The following ANXA4 variants were observed in gnomAD, a reference collection of about 807,000 sequenced individuals.
ANXA4 encodes annexin A4, also known as 35-beta calcimedin.
In ANXA4, 39 loss-of-function variants were observed where a neutral mutation model predicts 49.8. The observed-to-expected ratio is 0.78, with a 90% CI of 0.61 to 1.02. The LOEUF (loss-of-function observed/expected upper bound fraction) is 1.02, where lower values mean the gene tolerates loss of function less well. Ranked by LOEUF, ANXA4 falls within the 50% of genes least tolerant of loss-of-function variation. ANXA4 has a pLI of 0.00. For missense variants in ANXA4, 360 were observed against 410.1 expected (o/e 0.88, Z 1.05); for synonymous variants, 134 against 152.5 (o/e 0.88, Z 0.89).
At chr2:69,723,086 G>A (rs919445461) in intron 3 of ANXA4, among the ~76,000 whole-genome samples, 3 of 150,664 alleles carry the variant, frequency 2.0e-5, no homozygotes, top group African/African-American at 7.3e-5. Flanking sequence ...AACTACTAGA[G>A]AGGCTGAGGC....
chr2:69,651,453 A>G (rs58164379), intron 1 of ANXA4, among the ~76,000 whole-genome samples: 3,319 of 152,204 alleles, frequency 0.022, 120 homozygotes, highest in African/African-American at 0.076. Flanking sequence ...TTTTACCTCA[A>G]TCTGTATACT....
intron 2 of ANXA4, among the ~76,000 whole-genome samples, chr2:69,676,113 C>T (rs1677405372): frequency 6.6e-6 from 1 of 151,536 alleles, no homozygotes; most frequent in Non-Finnish European, 1.5e-5. Context: ...AAAACTAAAT[C>T]AAGATCATTA....
At chr2:69,792,452 C>A (rs1441163310) in intron 3 of ANXA4, among the ~76,000 whole-genome samples, 1 of 152,138 alleles carries the variant, frequency 6.6e-6, no homozygotes, top group African/African-American at 2.4e-5. Flanking sequence ...CCTGTTATAA[C>A]CCTTGACAAG....
At chr2:69,812,184 G>A (rs536655498) in intron 7 of ANXA4, among the ~76,000 whole-genome samples, 1 of 150,018 alleles carries the variant, frequency 6.7e-6, no homozygotes, top group South Asian at 2.1e-4. Flanking sequence ...CTCTTCACAG[G>A]TGCCATCTTA....
At chr2:69,718,903 G>A (rs1200018173) in intron 2 of ANXA4, among the ~76,000 whole-genome samples, 1 of 151,706 alleles carries the variant, frequency 6.6e-6, no homozygotes, top group African/African-American at 2.4e-5. Flanking sequence ...TGCATACACA[G>A]CATGGCCTCT....
chr2:69,781,886 A>G lies in ANXA4; in HGVS notation c.9+312A>G, dbSNP rs117957088. Among the ~76,000 whole-genome samples the G allele has an allele frequency of 2.7e-4, 41 of 152,242 alleles. No individual in the cohort carries two copies. In the East Asian group the frequency reaches 7.7e-3, roughly 29 times the overall value. On this transcript the variant is annotated intron_variant, in intron 2 of 12. Transcript: ENST00000394295. ...TATTTTAGAACATTTAAAAAGGAAA[A>G]ACTAAAAATTCTTTAGGTTCTACCA...
intron 12 of ANXA4, among the ~76,000 whole-genome samples, chr2:69,821,379 A>T (rs1674236153): frequency 6.6e-6 from 1 of 152,198 alleles, no homozygotes; most frequent in African/African-American, 2.4e-5. Context: ...GGTTGCCTGC[A>T]CTGCAAGCTT....
chr2:69,778,107 TA>T (rs1175819813), intron 1 of ANXA4, among the ~76,000 whole-genome samples: 1 of 152,222 alleles, frequency 6.6e-6, no homozygotes, highest in East Asian at 1.9e-4. Flanking sequence ...TTTAAAAATA[TA>T]AAGACATTCT....
intron 2 of ANXA4, among the ~76,000 whole-genome samples, chr2:69,783,165 A>G (rs1422383933): frequency 2.0e-5 from 3 of 152,180 alleles, no homozygotes; most frequent in Admixed American, 6.5e-5. Context: ...TCATATCATT[A>G]AAATTATTTA....
chr2:69,710,144 C>T (rs984856951), intron 2 of ANXA4, among the ~76,000 whole-genome samples: 2 of 152,044 alleles, frequency 1.3e-5, no homozygotes, highest in Middle Eastern at 3.4e-3. Flanking sequence ...TGTGCCACCA[C>T]GCCCGGCTAA....
chr2:69,646,917 A>G (rs1202070188), intron 1 of ANXA4, among the ~76,000 whole-genome samples: 1 of 152,226 alleles, frequency 6.6e-6, no homozygotes, highest in Non-Finnish European at 1.5e-5. Flanking sequence ...GTAAGAGACT[A>G]CCAACCACAG....
At chr2:69,703,918 G>C (rs1678410231) in intron 2 of ANXA4, among the ~76,000 whole-genome samples, 1 of 152,048 alleles carries the variant, frequency 6.6e-6, no homozygotes, top group Non-Finnish European at 1.5e-5. Flanking sequence ...AGGACTACAG[G>C]TGCGTGCCAC....
intron 3 of ANXA4, among the ~76,000 whole-genome samples, chr2:69,789,908 C>A (rs1215721595): frequency 6.6e-6 from 1 of 152,140 alleles, no homozygotes; most frequent in Non-Finnish European, 1.5e-5. Flanking sequence ...CTGTTTTTAG[C>A]TCCTCAATCT....
chr2:69,690,703 T>C (rs1404567864), intron 2 of ANXA4, among the ~76,000 whole-genome samples: 1 of 152,216 alleles, frequency 6.6e-6, no homozygotes. Context: ...ACCTTATTCC[T>C]TTTTAGGTGA....
chr2:69,687,297 A>C (rs1677823316), intron 2 of ANXA4, among the ~76,000 whole-genome samples: 1 of 152,154 alleles, frequency 6.6e-6, no homozygotes, highest in African/African-American at 2.4e-5. Context: ...TGAGCTCAGG[A>C]GTTCGAGACC....
chr2:69,675,616 G>T (rs1238010982), intron 2 of ANXA4, among the ~76,000 whole-genome samples: 1 of 152,158 alleles, frequency 6.6e-6, no homozygotes, highest in Non-Finnish European at 1.5e-5. Flanking sequence ...AGTCATAGGG[G>T]CAGAAAGCAG....
chr2:69,718,889 CACAT>C (rs1166098533), intron 2 of ANXA4, among the ~76,000 whole-genome samples: 1 of 151,244 alleles, frequency 6.6e-6, no homozygotes, highest in African/African-American at 2.5e-5. Context: ...TGCATACACA[CACAT>C]GCATACACAG....
At chr2:69,725,156 T>C (rs1669929043) in intron 3 of ANXA4, among the ~76,000 whole-genome samples, 1 of 152,200 alleles carries the variant, frequency 6.6e-6, no homozygotes, top group African/African-American at 2.4e-5. Flanking sequence ...GAGGGCTTAC[T>C]GATAACATAA....
chr2:69,691,570 CAT>C (rs1448960150), intron 2 of ANXA4, among the ~76,000 whole-genome samples: 14 of 45,050 alleles, frequency 3.1e-4, no homozygotes, highest in South Asian at 1.1e-3. Flanking sequence ...CACACACACA[CAT>C]GCACACACAC....
Sources: gnomAD v4.1 joint callset for allele counts (sites outside exome capture counted in the v4.1 genomes callset) on GRCh38, gnomAD v4.1.1 for gene constraint, MANE v1.5 for transcripts, NCBI Gene and HGNC (gene_info 2026-07-23, HGNC 2026-07-21) for gene names.